Variants in SLC20A1 observed in about 807,000 individuals in gnomAD.
SLC20A1 encodes the protein solute carrier family 20 member 1.
A neutral mutation model predicts 62.7 loss-of-function variants in SLC20A1; 28 were observed. That is an observed-to-expected ratio of 0.45 (90% CI 0.33 to 0.61). SLC20A1 has a LOEUF of 0.61. Among genes scored for constraint, SLC20A1 ranks in the 20% least tolerant of loss-of-function variants. The pLI is 0.02. For synonymous variants in SLC20A1, 305 were observed against 302.9 expected (o/e 1.01, Z -0.07); for missense variants, 673 against 838.6 (o/e 0.80, Z 2.44).
chr2:112,652,897 TCTC>T, intron 5 of SLC20A1, 99 bp downstream of exon 5: 3 of 1,607,648 alleles, frequency 1.9e-6, no homozygotes, highest in East Asian at 2.2e-5. Context: ...AGGGCTGAAA[TCTC>T]CTAGAAGGTG....
chr2:112,657,985 C>T (rs1270959474), intron 6 of SLC20A1, among the ~76,000 whole-genome samples: 4 of 152,158 alleles, frequency 2.6e-5, no homozygotes, highest in East Asian at 1.9e-4. Flanking sequence ...TGAAGTTTAT[C>T]GTTTCGAAGC....
Position 112,646,768 on chromosome 2 carries a change from T to C in SLC20A1, c.-61T>C. 1 of 1,064,814 alleles carries C rather than the reference T, an allele frequency of 9.4e-7. No individual in the cohort carries two copies. The highest frequency in any genetic ancestry group is 2.2e-5 in the Admixed American group (1 of 45,312). The allele number at this position is 1,064,814 out of a possible 1,614,324, so 66.0% of individuals were successfully genotyped here. A position where few individuals can be genotyped will look rare whatever the true frequency, so the allele number is the denominator to read the frequency against. On this transcript the variant is annotated 5_prime_UTR_variant, in exon 2 of 11. Transcript: ENST00000272542. The stretch of plus-strand genomic sequence containing the variant: ...ATAGCATTTTTGATACCTCATATTC[T>C]GTTTACACATCTTGAAAGGCGCTCA...
Position 112,646,697 on chromosome 2 carries a change from G to A in SLC20A1, c.-132G>A. 5.5e-6 allele frequency: 2 copies of A among 361,060 alleles called. No individual in the cohort carries two copies. The highest frequency in any genetic ancestry group is 5.4e-5 in the East Asian group (1 of 18,366). 22.4% of individuals were successfully genotyped at this position (361,060 alleles called of 1,614,324 possible). On this transcript the variant is annotated 5_prime_UTR_variant, in exon 2 of 11. Transcript: ENST00000272542. ...AGTAACTCCCCAGCTCGGTTTCTGT[G>A]CCGTAGTTTACAGTATTTAATTTTA...
At chr2:112,653,929 A>C (rs1338419055) in intron 5 of SLC20A1, among the ~76,000 whole-genome samples, 1 of 152,094 alleles carries the variant, frequency 6.6e-6, no homozygotes. Context: ...AGTAACTGGG[A>C]TTACAGGCGT....
At chr2:112,655,428 A>T (rs1686557641) in intron 5 of SLC20A1, among the ~76,000 whole-genome samples, 1 of 151,556 alleles carries the variant, frequency 6.6e-6, no homozygotes, top group Non-Finnish European at 1.5e-5. Context: ...AGCATCTGTG[A>T]TTTCGTACAT....
At chr2:112,658,750 G>C in intron 6 of SLC20A1, 75 bp from the exon 7 acceptor site, 1 of 1,464,752 alleles carries the variant, frequency 6.8e-7, no homozygotes, top group Non-Finnish European at 9.2e-7. Context: ...TTTTTTGGGG[G>C]TGGAGGAAAG....
rs377435059 is a variant in SLC20A1 at position 112,659,087 on chromosome 2, C to T, written c.1041C>T (p.Thr347=). 61 of 1,612,074 alleles carry T rather than the reference C, an allele frequency of 3.8e-5. No homozygotes were observed. The highest frequency in any genetic ancestry group is 4.8e-5 in the Non-Finnish European group (57 of 1,178,832). Residue 347 remains threonine (T), a synonymous_variant, in exon 7 of 11, where the codon ACC becomes ACT. Coordinates refer to ENST00000272542, the MANE Select transcript of SLC20A1 (RefSeq NM_005415.5). The part of the protein sequence containing the change: ...DLKEETSIDS[T]VNGAVQLPNG... ...AAGAGGAAACCAGCATAGATAGCAC[C>T]GTGAATGGTGAGTTGGAATTCCTGG...
chr2:112,646,664 C>T lies in SLC20A1; in HGVS notation c.-165C>T. ...CCAGACAACAGATGCCCATACGCAG[C>T]GTATAGCAGTAACTCCCCAGCTCGG... is the stretch of plus-strand genomic sequence containing the variant. On this transcript the variant is annotated 5_prime_UTR_variant, in exon 2 of 11. Transcript: ENST00000272542. The T allele has an allele frequency of 3.6e-6, 1 of 279,662 alleles. No individual in the cohort carries two copies. Among genetic ancestry groups the T allele is most frequent in the Non-Finnish European group, 6.4e-6 (1 of 157,228 alleles). 17.3% of individuals were successfully genotyped at this position (279,662 alleles called of 1,614,324 possible).
chr2:112,653,113 A>T, intron 5 of SLC20A1: 1 of 446,660 alleles, frequency 2.2e-6, no homozygotes, highest in Non-Finnish European at 4.1e-6. Flanking sequence ...TACTGACCTC[A>T]ACTACTGAAG....
intron 3 of SLC20A1, 35 bp from the exon 4 acceptor site, chr2:112,647,618 T>C: frequency 6.3e-7 from 1 of 1,596,712 alleles, no homozygotes; most frequent in Non-Finnish European, 8.6e-7. Context: ...TGATTTTCAT[T>C]ATTTGATATT....
intron 4 of SLC20A1, chr2:112,652,054 C>T (rs1686456927): frequency 6.6e-6 from 1 of 152,298 alleles, no homozygotes; most frequent in Admixed American, 6.5e-5. Context: ...CAGTACTTTA[C>T]ATTATTCCAT....
Position 112,663,130 on chromosome 2 carries a change from T to C in SLC20A1, c.*105T>C. 1 of 1,317,450 alleles carries C rather than the reference T, an allele frequency of 7.6e-7. No homozygotes were observed. The highest frequency in any genetic ancestry group is 1.2e-5 in the South Asian group (1 of 84,338). 81.6% of individuals were successfully genotyped at this position (1,317,450 alleles called of 1,614,324 possible). A position where few individuals can be genotyped will look rare whatever the true frequency, so the allele number is the denominator to read the frequency against. ...TTAACAGAAGACTGACAAGAGTCTT[T>C]TTATTTGGGAGCCAGAGGAGGGAAG... On this transcript the variant is annotated 3_prime_UTR_variant, in exon 11 of 11. Transcript: ENST00000272542.
intron 4 of SLC20A1, among the ~76,000 whole-genome samples, chr2:112,650,778 C>T (rs1686413184): frequency 6.6e-6 from 1 of 152,108 alleles, no homozygotes; most frequent in Non-Finnish European, 1.5e-5. Flanking sequence ...TGTGTGCCAC[C>T]ACATCTGGCT....
chr2:112,658,995 G>A lies in SLC20A1; in HGVS notation c.949G>A (p.Val317Ile), dbSNP rs1410906786. 3 of 1,614,102 alleles carry A rather than the reference G, an allele frequency of 1.9e-6. No individual in the cohort carries two copies. Among genetic ancestry groups the A allele is most frequent in the African/African-American group, 2.7e-5 (2 of 74,930 alleles). ...PLQAVVEERT[V>I]SFKLGDLEEA... ...CCAGGCTGTGGTGGAGGAGAGAACA[G>A]TCTCATTCAAACTTGGAGATTTGGA... The change falls in exon 7 of 11, where the codon GTC becomes ATC. Residue 317 changes from valine to isoleucine, a missense_variant. Val to Ile is a conservative substitution (Grantham distance 29). Coordinates refer to ENST00000272542, the MANE Select transcript of SLC20A1 (RefSeq NM_005415.5).
rs767149735 is a variant in SLC20A1 at position 112,663,098 on chromosome 2, T to C, written c.*73T>C. The C allele has an allele frequency of 1.8e-5, 27 of 1,526,520 alleles. No individual in the cohort carries two copies. The highest frequency in any genetic ancestry group is 2.5e-5 in the Non-Finnish European group (27 of 1,101,372). The allele number at this position is 1,526,520 out of a possible 1,614,324, so 94.6% of individuals were successfully genotyped here. ...TATTCCTGCTCCCCTGAAGAATGAT[T>C]ACAGTGTTAACAGAAGACTGACAAG... is the stretch of plus-strand genomic sequence containing the variant. On this transcript the variant is annotated 3_prime_UTR_variant, in exon 11 of 11. Coordinates refer to ENST00000272542, the MANE Select transcript of SLC20A1 (RefSeq NM_005415.5).
intron 7 of SLC20A1, 38 bp downstream of exon 7, chr2:112,659,132 A>G (rs1406040150): frequency 6.2e-7 from 1 of 1,608,426 alleles, no homozygotes; most frequent in African/African-American, 1.3e-5. Flanking sequence ...TGTTACCTGC[A>G]GTGGTGAGGA....
At chr2:112,653,697 A>G (rs1317455833) in intron 5 of SLC20A1, among the ~76,000 whole-genome samples, 1 of 152,032 alleles carries the variant, frequency 6.6e-6, no homozygotes, top group African/African-American at 2.4e-5. Context: ...GGCCCACTGA[A>G]ATGATTTCAG....
intron 4 of SLC20A1, among the ~76,000 whole-genome samples, chr2:112,649,997 C>T (rs1472915639): frequency 1.3e-5 from 2 of 152,072 alleles, no homozygotes; most frequent in Non-Finnish European, 2.9e-5. Flanking sequence ...TACCTTCTTC[C>T]TAGACTCTCT....
intron 4 of SLC20A1, among the ~76,000 whole-genome samples, chr2:112,648,406 C>T (rs1686342935): frequency 6.6e-6 from 1 of 152,214 alleles, no homozygotes; most frequent in African/African-American, 2.4e-5. Context: ...ATTATGTTGG[C>T]ATAGGACTGA....
Sources: allele counts gnomAD v4.1 joint callset (sites outside exome capture counted in the v4.1 genomes callset), GRCh38; gene constraint gnomAD v4.1.1; transcripts MANE v1.5; gene names NCBI Gene and HGNC (gene_info 2026-07-23, HGNC 2026-07-21).